Variants in HEATR9 observed in about 807,000 individuals in gnomAD.
HEATR9 encodes the protein HEAT repeat containing 9.
In HEATR9, 54 loss-of-function variants were observed where a neutral mutation model predicts 68.2. The ratio of observed to expected loss-of-function variants is 0.79; its 90% CI spans 0.64 to 0.99. HEATR9 has a LOEUF of 0.99. Among genes scored for constraint, HEATR9 ranks in the 50% least tolerant of loss-of-function variants. The probability of loss-of-function intolerance (pLI) is 0.00; values close to 1 mark genes in which losing one functional copy is unlikely to be tolerated. For synonymous variants in HEATR9, 241 were observed against 253.5 expected (o/e 0.95, Z 0.47); for missense variants, 662 against 679.7 (o/e 0.97, Z 0.29).
chr17:35,855,631 AGAG>A, intron 14 of HEATR9, 30 bp downstream of exon 14: 4 of 1,590,944 alleles, frequency 2.5e-6, no homozygotes, highest in Non-Finnish European at 3.5e-6. Flanking sequence ...GGGCTAGAGA[AGAG>A]GAAGAAGTGG....
intron 6 of HEATR9, 102 bp downstream of exon 6, chr17:35,864,144 C>T: frequency 1.1e-6 from 1 of 931,070 alleles, no homozygotes; most frequent in Non-Finnish European, 1.7e-6. Context: ...CTGGATCTGA[C>T]CCGCCATCCT....
intron 2 of HEATR9, among the ~76,000 whole-genome samples, chr17:35,865,690 C>T (rs1483173262): frequency 1.3e-5 from 2 of 152,206 alleles, no homozygotes; most frequent in Non-Finnish European, 2.9e-5. Flanking sequence ...TGTGAAGCCA[C>T]TGGTGATCTG....
intron 11 of HEATR9, 91 bp downstream of exon 11, chr17:35,858,109 A>G: frequency 6.5e-7 from 1 of 1,549,550 alleles, no homozygotes; most frequent in Admixed American, 1.7e-5. Context: ...GATGAATGTG[A>G]TACTTCGGTG....
intron 4 of HEATR9, 102 bp from the exon 5 acceptor site, chr17:35,864,655 C>T: frequency 1.0e-5 from 16 of 1,589,816 alleles, no homozygotes; most frequent in Non-Finnish European, 1.4e-5. Context: ...TACCCTACCT[C>T]TGTTTTTCAG....
At position 35,868,646 on chromosome 17, in the gene HEATR9, C is replaced by T. The variant is rs1430617514; in HGVS notation, c.88+9G>A. The T allele has an allele frequency of 1.2e-6, 2 of 1,614,168 alleles. No individual in the cohort carries two copies. The highest frequency in any genetic ancestry group is 3.3e-4 in the Middle Eastern group (2 of 6,058). On this transcript the variant is annotated intron_variant, in intron 1 of 14. Transcript: ENST00000604834. ...CTCTTGGCTCCATTTCTGTCCATCC[C>T]AGCCTCACCTTTGGTCTTGTCTGGA...
At chr17:35,858,393 A>G (rs201500225) in intron 10 of HEATR9, 40 bp downstream of exon 10, 1 of 1,613,852 alleles carries the variant, frequency 6.2e-7, no homozygotes, top group African/African-American at 1.3e-5. Flanking sequence ...ACCCTATCCT[A>G]GTGCCGGGAA....
Position 35,867,606 on chromosome 17 carries a change from C to G in HEATR9, c.89-833G>C, listed in dbSNP as rs145523210. On this transcript the variant is annotated intron_variant, in intron 1 of 14. Transcript: ENST00000604834. ...GGCAGATTGCTTGAGCCAAGGAGTT[C>G]AAGACCAATCTGGGCAACAAAGTGA... is the stretch of plus-strand genomic sequence containing the variant. 9.9e-3 allele frequency among the ~76,000 whole-genome samples: 1,509 copies of G among 151,958 alleles called. 15 individuals are homozygous for G. Among genetic ancestry groups the G allele is most frequent in the Non-Finnish European group, 0.013 (879 of 67,984 alleles).
intron 8 of HEATR9, chr17:35,861,265 T>C: frequency 6.8e-7 from 1 of 1,475,708 alleles, no homozygotes; most frequent in Middle Eastern, 2.3e-4. Flanking sequence ...TTGACGTTTC[T>C]GTTTGATCTC....
chr17:35,860,020 A>G (rs893822122), intron 8 of HEATR9, among the ~76,000 whole-genome samples: 4 of 152,212 alleles, frequency 2.6e-5, no homozygotes, highest in African/African-American at 9.6e-5. Context: ...ACTATAGACT[A>G]TAACCATCTA....
In HEATR9 at chr17:35,859,012, T is replaced by G; in HGVS notation, c.815A>C (p.Lys272Thr). The G allele has an allele frequency of 6.2e-7, 1 of 1,614,196 alleles. No individual in the cohort carries two copies. The highest frequency in any genetic ancestry group is 8.5e-7 in the Non-Finnish European group (1 of 1,180,044). Residue 272 changes from lysine to threonine, a missense_variant, in exon 9 of 15, where the codon AAG becomes ACG. Physicochemically the swap from Lys to Thr is moderately conservative, Grantham distance 78 (BLOSUM62 -1). Transcript: ENST00000604834. ...LVPVLQTLIK[K>T]SSSEASLEAA... ...CTCCAGAGATGCTTCACTGGACGAC[T>G]TCTTGATCAGTGTCTGTAGTACAGG...
rs2088055589 is a variant in HEATR9, at chr17:35,863,098, G to A, written c.653C>T (p.Ala218Val). Residue 218 changes from alanine (A) to valine (V), a missense_variant, in exon 8 of 15, where the codon GCT becomes GTT. Transcript: ENST00000604834. ...TTTCTCCTTCAGCTGTTTGATGAGA[G>A]CCCGGATCACATGCTTATTCAGGCA... ...LGCLNKHVIR[A>V]LIKQLKEKNE... 1 of 1,614,014 alleles carries A rather than the reference G, an allele frequency of 6.2e-7. No homozygotes were observed. Among genetic ancestry groups the A allele is most frequent in the Non-Finnish European group, 8.5e-7 (1 of 1,180,024 alleles).
intron 13 of HEATR9, 74 bp from the exon 14 acceptor site, chr17:35,855,824 C>G (rs1278021582): frequency 1.6e-6 from 2 of 1,265,360 alleles, no homozygotes; most frequent in Admixed American, 1.7e-5. Context: ...CCATTCTAGC[C>G]CCTTTGTGAG....
intron 8 of HEATR9, chr17:35,861,440 T>G: frequency 6.2e-7 from 1 of 1,604,192 alleles, no homozygotes; most frequent in Non-Finnish European, 8.5e-7. Context: ...GGATTGCGCT[T>G]CTTTTTAAAG....
chr17:35,863,601 T>G (rs554397847), intron 6 of HEATR9, 42 bp from the exon 7 acceptor site: 16 of 1,591,382 alleles, frequency 1.0e-5, no homozygotes, highest in African/African-American at 1.3e-5. Context: ...AATAAGGTGA[T>G]GGAATGTCAG....
chr17:35,865,539 A>G (rs2088171105), intron 2 of HEATR9, 143 bp from the exon 3 acceptor site: 2 of 614,314 alleles, frequency 3.3e-6, no homozygotes, highest in African/African-American at 3.7e-5. Flanking sequence ...AGTCACAGCT[A>G]CCACCTAACC....
chr17:35,859,549 C>T (rs1351224200), intron 8 of HEATR9, among the ~76,000 whole-genome samples: 1 of 152,186 alleles, frequency 6.6e-6, no homozygotes, highest in Non-Finnish European at 1.5e-5. Flanking sequence ...GCCACCTTTG[C>T]ACTCCTCCAC....
intron 11 of HEATR9, among the ~76,000 whole-genome samples, chr17:35,857,550 G>GC (rs1426706610): frequency 6.6e-6 from 1 of 152,138 alleles, no homozygotes; most frequent in East Asian, 1.9e-4. Flanking sequence ...ACGAGGTCAG[G>GC]AGATCGAGCC....
In HEATR9 at chr17:35,861,193, T is replaced by C. The variant is rs191123319; in HGVS notation, c.756+1802A>G. The C allele has an allele frequency of 5.1e-3, 8,239 of 1,601,402 alleles. 26 individuals are homozygous for C. The highest frequency in any genetic ancestry group is 6.3e-3 in the Middle Eastern group (34 of 5,408). The stretch of plus-strand genomic sequence containing the variant: ...AAGATGGATGTTTTGCTTGACTTCT[T>C]TGATATCCTGAACTTTCTGTAGCTC... On this transcript the variant is annotated intron_variant, in intron 8 of 14. Coordinates refer to ENST00000604834, the MANE Select transcript of HEATR9 (RefSeq NM_152781.4).
Position 35,864,487 on chromosome 17 carries a change from C to G in HEATR9, c.510+10G>C, listed in dbSNP as rs910765825. 3 of 1,613,122 alleles carry G rather than the reference C, an allele frequency of 1.9e-6. No homozygotes were observed. Among genetic ancestry groups the G allele is most frequent in the Admixed American group, 1.7e-5 (1 of 59,856 alleles). ...TGTAACCACCCTCCTCTATCCTTGCCTCTTCTCACCTGTGCTGCATAGAAC... is the reference window on the plus strand; with the variant it reads ...TGTAACCACCCTCCTCTATCCTTGCGTCTTCTCACCTGTGCTGCATAGAAC... On this transcript the variant is annotated intron_variant, in intron 5 of 14. Coordinates refer to ENST00000604834, the MANE Select transcript of HEATR9 (RefSeq NM_152781.4).
Sources: allele counts gnomAD v4.1 joint callset (sites outside exome capture counted in the v4.1 genomes callset), GRCh38; gene constraint gnomAD v4.1.1; transcripts MANE v1.5; gene names NCBI Gene and HGNC (gene_info 2026-07-23, HGNC 2026-07-21).